ZER1: variants seen among roughly 807,000 people sequenced by gnomAD.
The protein encoded by ZER1 is zyg-11 related cell cycle regulator, also known as protein zer-1 homolog.
Under a neutral mutation model 78.8 loss-of-function variants are expected in ZER1, and 11 were observed. The observed-to-expected ratio is 0.14, with a 90% CI of 0.09 to 0.23. ZER1 has a LOEUF of 0.23. Among genes scored for constraint, ZER1 ranks in the 10% least tolerant of loss-of-function variants. The probability of loss-of-function intolerance (pLI) is 1.00; values close to 1 mark genes in which losing one functional copy is unlikely to be tolerated. For synonymous variants in ZER1, 400 were observed against 407.0 expected (o/e 0.98, Z 0.21); for missense variants, 588 against 996.9 (o/e 0.59, Z 5.52).
intron 14 of ZER1, 86 bp from the exon 15 acceptor site, chr9:128,733,614 T>C: frequency 8.1e-7 from 1 of 1,233,896 alleles, no homozygotes; most frequent in Non-Finnish European, 1.2e-6. Context: ...CTGTGAGGAC[T>C]ATCCTGGTGT....
At chr9:128,741,291 C>T (rs1030089302) in intron 11 of ZER1, among the ~76,000 whole-genome samples, 7 of 152,314 alleles carry the variant, frequency 4.6e-5, no homozygotes, top group Middle Eastern at 3.4e-3. Flanking sequence ...GAACAACGGC[C>T]GAGGAGACAG....
Position 128,742,521 on chromosome 9 carries a change from C to A in ZER1, c.1575+9G>T. The A allele has an allele frequency of 6.2e-7, 1 of 1,613,284 alleles. No homozygotes were observed. On this transcript the variant is annotated intron_variant, in intron 9 of 15. Coordinates refer to ENST00000291900, the MANE Select transcript of ZER1 (RefSeq NM_006336.4). The stretch of plus-strand genomic sequence containing the variant: ...TCAGGAGGAAGGGGGCAGCGCCCCC[C>A]ACACGTACCACGACAAAGCCCATCT...
At position 128,752,877 on chromosome 9, in the gene ZER1, T is replaced by A. The variant is rs763826135; in HGVS notation, c.747-28A>T. The A allele has an allele frequency of 5.6e-6, 9 of 1,604,836 alleles. No homozygotes were observed. In the Admixed American group the frequency reaches 1.3e-4, roughly 24 times the overall value. On this transcript the variant is annotated intron_variant, in intron 4 of 15. Coordinates refer to ENST00000291900, the MANE Select transcript of ZER1 (RefSeq NM_006336.4). ...GAAGATTGGGGTAGGGGGTGCAGGT[T>A]AGGAGCTGGGTACAGGGTGGGGCTG... is the stretch of plus-strand genomic sequence containing the variant.
At position 128,740,181 on chromosome 9, in the gene ZER1, G is replaced by T. The variant is rs7027146; in HGVS notation, c.1854-62C>A. 1,492,455 of 1,497,050 alleles carry T rather than the reference G, an allele frequency of 1. 743,979 individuals are homozygous for T. Among genetic ancestry groups the T allele is most frequent in the South Asian group, 1 (79,387 of 79,444 alleles). 92.7% of individuals were successfully genotyped at this position (1,497,050 alleles called of 1,614,324 possible). A position where few individuals can be genotyped will look rare whatever the true frequency, so the allele number is the denominator to read the frequency against. ...CCCCAGTTTCTCTTCAGATACCAGC[G>T]GCAGGACCCCAACTTAAAACCAGAA... On this transcript the variant is annotated intron_variant, in intron 12 of 15. Transcript: ENST00000291900. The surrounding 1 kb of genome is among the most constrained non-coding windows in gnomAD (Gnocchi z 4.4).
intron 1 of ZER1, among the ~76,000 whole-genome samples, chr9:128,763,671 G>T (rs774995681): frequency 1.2e-4 from 19 of 152,178 alleles, no homozygotes; most frequent in Non-Finnish European, 1.9e-4. Context: ...CTGGACTGGG[G>T]AGTCAGAGCA....
chr9:128,736,306 G>A (rs539068278), intron 13 of ZER1, among the ~76,000 whole-genome samples: 1 of 151,808 alleles, frequency 6.6e-6, no homozygotes, highest in Non-Finnish European at 1.5e-5. Context: ...GGTTGGTTTC[G>A]AACTCCTGAC....
In ZER1 at chr9:128,753,461, C is replaced by T; in HGVS notation, c.449G>A (p.Gly150Glu). ...TNIFYEEENP[G>E]GCEDEYLVNP... ...GACGAGGTACTCATCTTCACAGCCC[C>T]CTGGGTTCTCCTCCTCATAGAAAAT... The change falls in exon 4 of 16, where the codon GGG (glycine) becomes GAG (glutamate). Residue 150 changes from glycine to glutamate, a missense_variant. Physicochemically the swap from Gly to Glu is moderately conservative, Grantham distance 98. This residue lies in a region of ZER1 where 406 missense variants were observed against 660.1 expected (regional missense o/e 0.62). Coordinates refer to ENST00000291900, the MANE Select transcript of ZER1 (RefSeq NM_006336.4). The surrounding 1 kb of genome is among the most constrained non-coding windows in gnomAD (Gnocchi z 7.5). 2 of 1,614,146 alleles carry T rather than the reference C, an allele frequency of 1.2e-6. No individual in the cohort carries two copies. The highest frequency in any genetic ancestry group is 1.7e-6 in the Non-Finnish European group (2 of 1,180,008).
In ZER1 at chr9:128,742,486, G is replaced by A. The variant is rs1863335618; in HGVS notation, c.1575+44C>T. The A allele has an allele frequency of 8.1e-6, 13 of 1,606,060 alleles. No individual in the cohort carries two copies. In the East Asian group the frequency reaches 2.9e-4, roughly 36 times the overall value. On this transcript the variant is annotated intron_variant, in intron 9 of 15. Transcript: ENST00000291900. ...GCTCAGGGTAGAGGGGTGGGGGAGA[G>A]CAGTGAGGCTCAGGAGGAAGGGGGC... is the stretch of plus-strand genomic sequence containing the variant.
chr9:128,744,717 G>A (rs949756954), intron 8 of ZER1, among the ~76,000 whole-genome samples: 1 of 152,036 alleles, frequency 6.6e-6, no homozygotes, highest in Non-Finnish European at 1.5e-5. Context: ...GACCTCAGGT[G>A]ATCCACCTGC....
At chr9:128,742,825 G>C (rs1863349501) in intron 8 of ZER1, 80 bp from the exon 9 acceptor site, 1 of 1,416,740 alleles carries the variant, frequency 7.1e-7, no homozygotes, top group Non-Finnish European at 9.5e-7. Flanking sequence ...CTAGAGGTAT[G>C]AGCTCATCCA....
At chr9:128,769,040 T>C (rs1195178567) in intron 1 of ZER1, among the ~76,000 whole-genome samples, 2 of 152,150 alleles carry the variant, frequency 1.3e-5, no homozygotes, top group East Asian at 3.9e-4. Context: ...GCGCTGGCAG[T>C]GCTGGGCTCT....
At chr9:128,763,195 GA>G (rs1864101598) in intron 1 of ZER1, among the ~76,000 whole-genome samples, 1 of 152,112 alleles carries the variant, frequency 6.6e-6, no homozygotes, top group Admixed American at 6.6e-5. Context: ...CTTCCTCCAG[GA>G]AGTATCTCCT....
At chr9:128,749,448 T>C (rs945150695) in intron 8 of ZER1, among the ~76,000 whole-genome samples, 8 of 152,190 alleles carry the variant, frequency 5.3e-5, no homozygotes, top group African/African-American at 1.9e-4. Context: ...CGTTGGCATA[T>C]TGCCCATCTG....
intron 1 of ZER1, among the ~76,000 whole-genome samples, chr9:128,771,198 G>T (rs914982844): frequency 1.3e-5 from 2 of 152,168 alleles, no homozygotes; most frequent in Non-Finnish European, 2.9e-5. Flanking sequence ...ACCTCACCCT[G>T]TTGGATTTCC....
At chr9:128,765,127 T>C (rs1189233945) in intron 1 of ZER1, among the ~76,000 whole-genome samples, 1 of 152,184 alleles carries the variant, frequency 6.6e-6, no homozygotes, top group Non-Finnish European at 1.5e-5. Context: ...CATAACAATT[T>C]GTCAACTGAC....
At chr9:128,738,742 C>G (rs1863182157) in intron 13 of ZER1, among the ~76,000 whole-genome samples, 1 of 151,892 alleles carries the variant, frequency 6.6e-6, no homozygotes, top group South Asian at 2.1e-4. Flanking sequence ...AGTGCAGTAG[C>G]ATGATGTTGG....
intron 8 of ZER1, among the ~76,000 whole-genome samples, chr9:128,747,990 C>T (rs1863551287): frequency 6.6e-6 from 1 of 152,174 alleles, no homozygotes; most frequent in South Asian, 2.1e-4. Context: ...TGCAATGGCT[C>T]ATGCTTATAA....
intron 1 of ZER1, among the ~76,000 whole-genome samples, chr9:128,759,978 C>T (rs1863991487): frequency 2.6e-5 from 4 of 152,032 alleles, no homozygotes; most frequent in African/African-American, 9.7e-5. Context: ...CTCCTGGGCT[C>T]AAGCGATCCT....
At chr9:128,733,578 G>T in intron 14 of ZER1, 50 bp from the exon 15 acceptor site, 2 of 1,542,520 alleles carry the variant, frequency 1.3e-6, no homozygotes, top group Non-Finnish European at 1.8e-6. Flanking sequence ...CTTCTTATCA[G>T]CCCGAGGCCC....
Sources: allele counts gnomAD v4.1 joint callset (sites outside exome capture counted in the v4.1 genomes callset), GRCh38; gene constraint gnomAD v4.1.1; regional missense constraint gnomAD v4.1.1; non-coding constraint Gnocchi (gnomAD v3.1); transcripts MANE v1.5; gene names NCBI Gene and HGNC (gene_info 2026-07-23, HGNC 2026-07-21).